The following STK32B variants were observed in gnomAD, a reference collection of about 807,000 sequenced individuals.
STK32B encodes the protein serine/threonine-protein kinase 32B.
Under a neutral mutation model 52.6 loss-of-function variants are expected in STK32B, and 43 were observed. The ratio of observed to expected loss-of-function variants is 0.82; its 90% CI spans 0.64 to 1.05. STK32B has a LOEUF of 1.05. Among genes scored for constraint, STK32B ranks in the 50% least tolerant of loss-of-function variants. The pLI is 0.00. For missense variants in STK32B, 621 were observed against 534.6 expected (o/e 1.16, Z -1.59); for synonymous variants, 238 against 204.3 (o/e 1.17, Z -1.41).
intron 3 of STK32B, among the ~76,000 whole-genome samples, chr4:5,242,192 A>T (rs1167372193): frequency 6.6e-6 from 1 of 152,208 alleles, no homozygotes; most frequent in Non-Finnish European, 1.5e-5. Flanking sequence ...CAGTCCCACC[A>T]ACAGTGTATA....
rs1335130905 is a variant in STK32B, at chr4:5,064,778, A to G, written c.52+12863A>G. ...TATATAAATATATACTTATATACAT[A>G]TATAATATATAAATATATACTTATG... On this transcript the variant is annotated intron_variant, in intron 1 of 11. Transcript: ENST00000282908. Among the ~76,000 whole-genome samples the G allele has an allele frequency of 3.6e-4, 43 of 119,480 alleles. 1 individual carries two copies. Among genetic ancestry groups the G allele is most frequent in the African/African-American group, 1.3e-3 (42 of 33,574 alleles). The allele number at this position is 119,480 out of a possible 152,430, so 78.4% of individuals were successfully genotyped here.
At chr4:5,221,634 C>T (rs908886704) in intron 3 of STK32B, among the ~76,000 whole-genome samples, 4 of 152,022 alleles carry the variant, frequency 2.6e-5, no homozygotes, top group African/African-American at 9.7e-5. Flanking sequence ...TGTGTGCCCT[C>T]AAAAATTCAG....
Position 5,400,299 on chromosome 4 carries a change from C to T in STK32B, c.472+2055C>T, listed in dbSNP as rs529436187. On this transcript the variant is annotated intron_variant, in intron 5 of 11. Coordinates refer to ENST00000282908, the MANE Select transcript of STK32B (RefSeq NM_018401.3). The surrounding 1 kb of genome is among the most constrained non-coding windows in gnomAD (Gnocchi z 6.1). ...TTTTGGATTTCCATCCATCCCATTC[C>T]GCCTCCCTTTCTGTACCCATTCTCA... Among the ~76,000 whole-genome samples, 9 of 152,266 alleles carry T rather than the reference C, an allele frequency of 5.9e-5. No individual in the cohort carries two copies. The highest frequency in any genetic ancestry group is 2.1e-4 in the South Asian group (1 of 4,814).
At chr4:5,414,834 T>C (rs527743068) in intron 5 of STK32B, among the ~76,000 whole-genome samples, 1 of 152,242 alleles carries the variant, frequency 6.6e-6, no homozygotes, top group South Asian at 2.1e-4. Flanking sequence ...CAAAAACATG[T>C]CTGTATTCTT....
At chr4:5,064,309 A>G (rs1340100423) in intron 1 of STK32B, among the ~76,000 whole-genome samples, 1 of 144,550 alleles carries the variant, frequency 6.9e-6, no homozygotes, top group Non-Finnish European at 1.5e-5. Context: ...AGATATATTT[A>G]TTATAATATA....
rs1168769298 is a variant in STK32B at position 5,453,516 on chromosome 4, G to A, written c.667-3291G>A. On this transcript the variant is annotated intron_variant, in intron 7 of 11. Transcript: ENST00000282908. This position sits in a 1 kb window ranked among gnomAD's most constrained non-coding sequence, Gnocchi z 4.0. ...GGATGAAGTGCCCCATCATTGTCCA[G>A]GGTCTTTGCACCTCCTTTTCAGGGT... Among the ~76,000 whole-genome samples, 1 of 152,114 alleles carries A rather than the reference G, an allele frequency of 6.6e-6. No homozygotes were observed. The highest frequency in any genetic ancestry group is 2.4e-5 in the African/African-American group (1 of 41,434).
In STK32B at chr4:5,130,829, T is replaced by A. The variant is rs376543492; in HGVS notation, c.53-9076T>A. 1.1e-4 allele frequency among the ~76,000 whole-genome samples: 16 copies of A among 152,326 alleles called. No homozygotes were observed. In the South Asian group the frequency reaches 1.7e-3, roughly 16 times the overall value. ...ACTCATACTTCTGTCTTGCTGTTCC[T>A]GGAACTCATCTTGCTATTTCATGCC... On this transcript the variant is annotated intron_variant, in intron 1 of 11. Transcript: ENST00000282908.
chr4:5,398,757 A>G lies in STK32B; in HGVS notation c.472+513A>G, dbSNP rs1466141465. 6.6e-6 allele frequency among the ~76,000 whole-genome samples: 1 copy of G among 152,134 alleles called. No homozygotes were observed. Among genetic ancestry groups the G allele is most frequent in the Non-Finnish European group, 1.5e-5 (1 of 68,010 alleles). ...TGTCAGGCTTCTCAAAATTTCCTTT[A>G]TGTGCACACAGATCTCCTAGGCATC... On this transcript the variant is annotated intron_variant, in intron 5 of 11. Coordinates refer to ENST00000282908, the MANE Select transcript of STK32B (RefSeq NM_018401.3). The surrounding 1 kb of genome is among the most constrained non-coding windows in gnomAD (Gnocchi z 4.9).
chr4:5,131,319 C>A (rs1162609107), intron 1 of STK32B, among the ~76,000 whole-genome samples: 1 of 152,198 alleles, frequency 6.6e-6, no homozygotes, highest in Non-Finnish European at 1.5e-5. Flanking sequence ...GATCGCTGTA[C>A]AATCACTGAG....
chr4:5,025,295 T>C, the STK32B span, among the ~76,000 whole-genome samples: 6 of 151,760 alleles, frequency 4.0e-5, no homozygotes, highest in Non-Finnish European at 1.5e-5. Flanking sequence ...TGATCCCCCA[T>C]AGTGATGTGA....
chr4:5,432,091 T>G (rs1459528293), intron 6 of STK32B, among the ~76,000 whole-genome samples: 1 of 152,228 alleles, frequency 6.6e-6, no homozygotes, highest in African/African-American at 2.4e-5. Context: ...TGTGTCAATC[T>G]CTGAAGTAAA....
chr4:5,438,236 A>G (rs1380337072), intron 6 of STK32B, among the ~76,000 whole-genome samples: 1 of 152,206 alleles, frequency 6.6e-6, no homozygotes, highest in Non-Finnish European at 1.5e-5. Flanking sequence ...TGGTGCAGGG[A>G]AGGAAGTCCC....
intron 1 of STK32B, among the ~76,000 whole-genome samples, chr4:5,099,926 T>C (rs1424850640): frequency 6.6e-6 from 1 of 152,136 alleles, no homozygotes. Context: ...TGCTTGGTTT[T>C]CTGAAGAAGC....
At chr4:5,198,625 C>T (rs1721886770) in intron 3 of STK32B, among the ~76,000 whole-genome samples, 2 of 152,104 alleles carry the variant, frequency 1.3e-5, no homozygotes, top group African/African-American at 4.8e-5. Context: ...CATATTTAGG[C>T]CCACGGCCCA....
intron 3 of STK32B, among the ~76,000 whole-genome samples, chr4:5,226,497 C>T (rs1378882327): frequency 6.6e-6 from 1 of 152,154 alleles, no homozygotes; most frequent in East Asian, 1.9e-4. Flanking sequence ...ATGATGAAAT[C>T]TCATGCCTGC....
Position 5,331,262 on chromosome 4 carries a change from C to A in STK32B, c.303C>A (p.Asp101Glu). 2 of 1,613,784 alleles carry A rather than the reference C, an allele frequency of 1.2e-6. No homozygotes were observed. Among genetic ancestry groups the A allele is most frequent in the Non-Finnish European group, 1.7e-6 (2 of 1,179,844 alleles). Residue 101 changes from aspartate to glutamate, a missense_variant, in exon 4 of 12, where the codon GAC becomes GAA. Coordinates refer to ENST00000282908, the MANE Select transcript of STK32B (RefSeq NM_018401.3). Reference protein sequence around the residue: ...QDEEDMFMVVDLLLGGDLRYH... With the variant: ...QDEEDMFMVVELLLGGDLRYH... ...AGGAGGACATGTTCATGGTGGTGGA[C>A]CTGCTCCTGGGAGGCGACCTGCGCT... is the stretch of plus-strand genomic sequence containing the variant.
the STK32B span, among the ~76,000 whole-genome samples, chr4:5,035,815 G>A: frequency 1.4e-5 from 2 of 146,608 alleles, no homozygotes; most frequent in South Asian, 4.3e-4. Flanking sequence ...ACGAAGTCTC[G>A]CTGTCACCCA....
At chr4:5,232,554 C>T (rs1382758295) in intron 3 of STK32B, among the ~76,000 whole-genome samples, 1 of 152,128 alleles carries the variant, frequency 6.6e-6, no homozygotes, top group African/African-American at 2.4e-5. Flanking sequence ...CTAAGGAGTC[C>T]AGGTCTAGAA....
chr4:5,334,804 G>A (rs2108959983), intron 4 of STK32B, among the ~76,000 whole-genome samples: 2 of 152,120 alleles, frequency 1.3e-5, no homozygotes, highest in East Asian at 3.9e-4. Context: ...TATTGAACCA[G>A]CCTTGCATCC....
Sources: gnomAD v4.1 joint callset for allele counts (sites outside exome capture counted in the v4.1 genomes callset) on GRCh38, gnomAD v4.1.1 for gene constraint, Gnocchi (gnomAD v3.1) non-coding constraint, MANE v1.5 for transcripts, NCBI Gene and HGNC (gene_info 2026-07-23, HGNC 2026-07-21) for gene names.